The following DNAH12 variants were observed in gnomAD, a reference collection of about 807,000 sequenced individuals.
DNAH12 encodes the protein dynein axonemal heavy chain 12.
In DNAH12, 285 loss-of-function variants were observed where a neutral mutation model predicts 371.5. The observed-to-expected ratio is 0.77, with a 90% CI of 0.70 to 0.85. DNAH12 has a LOEUF of 0.85. Ranked by LOEUF, DNAH12 falls within the 40% of genes least tolerant of loss-of-function variation. The probability of loss-of-function intolerance (pLI) is 0.00; values close to 1 mark genes in which losing one functional copy is unlikely to be tolerated. For missense variants in DNAH12, 3,611 were observed against 3,689.4 expected (o/e 0.98, Z 0.55); for synonymous variants, 1,200 against 1,213.0 (o/e 0.99, Z 0.22).
chr3:57,297,192 C>T (rs560938300), intron 70 of DNAH12: 6 of 562,352 alleles, frequency 1.1e-5, no homozygotes, highest in African/African-American at 1.9e-5. Context: ...ACAATTTGAG[C>T]ATTAACGTGA....
At chr3:57,448,208 T>C (rs1208808979) in intron 25 of DNAH12, among the ~76,000 whole-genome samples, 1 of 152,160 alleles carries the variant, frequency 6.6e-6, no homozygotes, top group African/African-American at 2.4e-5. Flanking sequence ...AGGTGGCGCA[T>C]CCAGAGTTTG....
rs34515598 is a variant in DNAH12 at position 57,435,373 on chromosome 3, CAAAA to C, written c.4656-1549_4656-1546del. ...GGTGATAGACCAAGACTCTGTCTCC[CAAAA>C]AAAAAAAAAAAAAAAGAATATAATT... On this transcript the variant is annotated intron_variant, in intron 30 of 73. Coordinates refer to ENST00000495027, the MANE Select transcript of DNAH12 (RefSeq NM_001366028.2). Among the ~76,000 whole-genome samples, 169 of 94,740 alleles carry C rather than the reference CAAAA, an allele frequency of 1.8e-3. 1 individual carries two copies. The highest frequency in any genetic ancestry group is 6.2e-3 in the African/African-American group (157 of 25,194). 62.2% of individuals were successfully genotyped at this position (94,740 alleles called of 152,430 possible).
In DNAH12 at chr3:57,403,313, A is replaced by G. The variant is rs1553679679; in HGVS notation, c.6944T>C (p.Met2315Thr). ...SYGMNEWRED[M>T]KGLLRNVGMK... ...TAGGCTTCTTCATAATTTTACCTTC[A>G]TATCCTCTCTCCATTCATTCATACC... Residue 2315 changes from methionine to threonine, a missense_variant, in exon 43 of 74, where the codon ATG (methionine) becomes ACG (threonine). Coordinates refer to ENST00000495027, the MANE Select transcript of DNAH12 (RefSeq NM_001366028.2). 1 of 1,541,838 alleles carries G rather than the reference A, an allele frequency of 6.5e-7. No homozygotes were observed. Among genetic ancestry groups the G allele is most frequent in the South Asian group, 1.2e-5 (1 of 81,744 alleles).
chr3:57,329,843 A>G (rs982447590), intron 62 of DNAH12, among the ~76,000 whole-genome samples: 1 of 152,222 alleles, frequency 6.6e-6, no homozygotes, highest in African/African-American at 2.4e-5. Context: ...CAGAATCTAC[A>G]ATGAACTCAA....
chr3:57,366,296 C>T (rs971262278), intron 57 of DNAH12, among the ~76,000 whole-genome samples: 7 of 152,230 alleles, frequency 4.6e-5, no homozygotes, highest in Non-Finnish European at 8.8e-5. Flanking sequence ...CATAAATAAT[C>T]CCTTGTTTGG....
Position 57,334,822 on chromosome 3 carries a change from T to C in DNAH12, c.9793A>G (p.Ile3265Val). 1 of 1,551,966 alleles carries C rather than the reference T, an allele frequency of 6.4e-7. No individual in the cohort carries two copies. The highest frequency in any genetic ancestry group is 1.7e-4 in the Middle Eastern group (1 of 5,998). ...GCAGGAAATTCACTTGCCCGACAGA[T>C]TTCCTCCCAGCTTTTGTCCTGTAGC... ...TWLQDKSWEEICRASEFPAFR... is the reference protein window; with the variant it reads ...TWLQDKSWEEVCRASEFPAFR... Residue 3265 changes from isoleucine (I) to valine (V), a missense_variant, in exon 61 of 74, where the codon ATC (isoleucine) becomes GTC (valine). Around this residue, in one of 3 missense-constraint regions of DNAH12, gnomAD observed 2,266 missense variants for 2,236.9 expected, o/e 1.01. Coordinates refer to ENST00000495027, the MANE Select transcript of DNAH12 (RefSeq NM_001366028.2).
At chr3:57,303,798 T>C (rs2061412816) in intron 69 of DNAH12, among the ~76,000 whole-genome samples, 3 of 152,216 alleles carry the variant, frequency 2.0e-5, no homozygotes. Flanking sequence ...CTTTGGATGG[T>C]TGCTGTCAGG....
intron 66 of DNAH12, among the ~76,000 whole-genome samples, chr3:57,311,582 C>G (rs180969750): frequency 6.6e-6 from 1 of 152,322 alleles, no homozygotes; most frequent in African/African-American, 2.4e-5. Flanking sequence ...TTGGCAATGT[C>G]TGGAGATAAC....
chr3:57,547,525 G>A (rs188112919), upstream of DNAH12, among the ~76,000 whole-genome samples: 50 of 152,058 alleles, frequency 3.3e-4, no homozygotes, highest in Non-Finnish European at 5.3e-4. Context: ...GATTCCTCTT[G>A]AGCTTATACA....
chr3:57,351,001 T>C (rs1575490263), intron 60 of DNAH12, among the ~76,000 whole-genome samples: 1 of 152,278 alleles, frequency 6.6e-6, no homozygotes, highest in East Asian at 1.9e-4. Context: ...CCGGGTGCAG[T>C]GGCTCACACC....
At position 57,542,902 on chromosome 3, in the gene DNAH12, C is replaced by T. The variant is rs111838162; in HGVS notation, c.-32G>A. 92 of 1,513,936 alleles carry T rather than the reference C, an allele frequency of 6.1e-5. No homozygotes were observed. In the African/African-American group the frequency reaches 1.1e-3, roughly 18 times the overall value. 93.8% of individuals were successfully genotyped at this position (1,513,936 alleles called of 1,614,324 possible). ...CCCCTAAAGATTAAAATACTCTGTA[C>T]TCTGAGGAGAAAAAGTCCATAAAGC... On this transcript the variant is annotated splice_region_variant and 5_prime_UTR_variant, in exon 2 of 74. Transcript: ENST00000495027.
At chr3:57,464,229 T>A (rs1032284409) in intron 17 of DNAH12, among the ~76,000 whole-genome samples, 4 of 151,940 alleles carry the variant, frequency 2.6e-5, no homozygotes, top group African/African-American at 9.7e-5. Flanking sequence ...AGGGAGGAAG[T>A]GGCACTACCA....
At chr3:57,507,156 T>C (rs1469584586) in intron 8 of DNAH12, among the ~76,000 whole-genome samples, 1 of 152,056 alleles carries the variant, frequency 6.6e-6, no homozygotes, top group African/African-American at 2.4e-5. Context: ...CAGTAAAAAT[T>C]TGAGGAGGCC....
At chr3:57,356,323 GTCCCAGCTGCTCTGAAGGCTGAGC>G (rs2062798534) in intron 59 of DNAH12, among the ~76,000 whole-genome samples, 1 of 152,042 alleles carries the variant, frequency 6.6e-6, no homozygotes, top group South Asian at 2.1e-4. Context: ...TGCACCTGTA[GTCCCAGCTGCTCTGAAGGCTGAGC>G]TGGGTGGATC....
intron 60 of DNAH12, among the ~76,000 whole-genome samples, chr3:57,338,074 G>A (rs554548941): frequency 3.9e-5 from 6 of 152,282 alleles, no homozygotes; most frequent in African/African-American, 1.4e-4. Flanking sequence ...CTGTACTGCC[G>A]TGATCTTGGC....
At chr3:57,371,941 CAAA>C (rs1169602185) in intron 55 of DNAH12, among the ~76,000 whole-genome samples, 298 of 25,870 alleles carry the variant, frequency 0.012, 4 homozygotes, top group Middle Eastern at 0.062. Context: ...CTAAACTCAG[CAAA>C]AAAAAAAAAA....
At chr3:57,460,744 C>A (rs576400893) in intron 19 of DNAH12, among the ~76,000 whole-genome samples, 16 of 152,208 alleles carry the variant, frequency 1.1e-4, no homozygotes, top group African/African-American at 3.9e-4. Flanking sequence ...ATATTAAAAC[C>A]AAACTGCCTT....
chr3:57,440,276 C>T (rs1402556539), intron 29 of DNAH12, among the ~76,000 whole-genome samples: 1 of 152,210 alleles, frequency 6.6e-6, no homozygotes, highest in East Asian at 1.9e-4. Flanking sequence ...TGGAATCAAC[C>T]TAGGTGCCCA....
intron 62 of DNAH12, among the ~76,000 whole-genome samples, chr3:57,327,439 C>A (rs1168409083): frequency 2.0e-5 from 3 of 152,260 alleles, no homozygotes; most frequent in African/African-American, 7.2e-5. Flanking sequence ...GGAAACTGAA[C>A]AACCTGCTCC....
Sources: allele counts gnomAD v4.1 joint callset (sites outside exome capture counted in the v4.1 genomes callset), GRCh38; gene constraint gnomAD v4.1.1; regional missense constraint gnomAD v4.1.1; transcripts MANE v1.5; gene names NCBI Gene and HGNC (gene_info 2026-07-23, HGNC 2026-07-21).